The following ZBTB40 variants were observed in gnomAD, a reference collection of about 807,000 sequenced individuals.
ZBTB40 encodes the protein zinc finger and BTB domain containing 40.
In ZBTB40, 60 loss-of-function variants were observed where a neutral mutation model predicts 117.5. That is an observed-to-expected ratio of 0.51 (90% confidence interval 0.41 to 0.63). The LOEUF is 0.63. ZBTB40 is among the 30% of genes least tolerant of loss of function. The pLI, the probability that ZBTB40 is intolerant of heterozygous loss-of-function variation, is 0.00. For missense variants in ZBTB40, 1,287 were observed against 1,498.5 expected, an observed-to-expected ratio of 0.86 and a Z score of 2.33; for synonymous variants, 525 against 577.1, an observed-to-expected ratio of 0.91 and a Z score of 1.29.
intron 3 of ZBTB40, among the ~76,000 whole-genome samples, 183 bp downstream of exon 3, chr1:22,491,716 C>A (rs1000091543): frequency 6.6e-6 from 1 of 150,888 alleles, no homozygotes; most frequent in South Asian, 2.1e-4. Context: ...AGGATACTTT[C>A]AAAATGACAT....
rs546453499 is a variant in ZBTB40 at position 22,526,766 on chromosome 1, G to A, written c.*370G>A. 34 of 328,002 alleles carry A rather than the reference G, an allele frequency of 1.0e-4. No homozygotes were observed. The highest frequency in any genetic ancestry group is 5.4e-4 in the South Asian group (21 of 38,894). The allele number at this position is 328,002 out of a possible 1,614,324, so 20.3% of individuals were successfully genotyped here. ...CCAGGAGGCATGATGTGCCGACAGC[G>A]CTCAGTGGGCAGAATGGCAGTTAGA... On this transcript the variant is annotated 3_prime_UTR_variant, in exon 18 of 18. Coordinates refer to ENST00000375647, the MANE Select transcript of ZBTB40 (RefSeq NM_014870.4).
chr1:22,518,907 C>T lies in ZBTB40; in HGVS notation c.2834-1154C>T, dbSNP rs368286480. On this transcript the variant is annotated intron_variant, in intron 13 of 17. Transcript: ENST00000375647. ...ACCTGGGCGTCAGGAAAGGGGAAGACGTTATTAACTTTCAGAAGGGAGAAG... is the reference window on the plus strand; with the variant it reads ...ACCTGGGCGTCAGGAAAGGGGAAGATGTTATTAACTTTCAGAAGGGAGAAG... Among the ~76,000 whole-genome samples the T allele has an allele frequency of 5.3e-5, 8 of 152,288 alleles. No homozygotes were observed. The East Asian group carries it at 9.7e-4, about 18-fold the overall frequency.
chr1:22,517,335 T>G lies in ZBTB40; in HGVS notation c.2704T>G (p.Phe902Val). The change falls in exon 13 of 18, where the codon TTT becomes GTT. Residue 902 changes from phenylalanine to valine, a missense_variant. Phe to Val is a conservative substitution (Grantham distance 50, BLOSUM62 -1). Coordinates refer to ENST00000375647, the MANE Select transcript of ZBTB40 (RefSeq NM_014870.4). ...TGCATGCCAGTACTGTGATGCTGTG[T>G]TTGCCCAGTCTATTGAGCTGTCCCG... is the stretch of plus-strand genomic sequence containing the variant. Reference protein sequence around the residue: ...MYACQYCDAVFAQSIELSRHV... With the variant: ...MYACQYCDAVVAQSIELSRHV... The G allele has an allele frequency of 6.2e-7, 1 of 1,614,218 alleles. No individual in the cohort carries two copies. The highest frequency in any genetic ancestry group is 8.5e-7 in the Non-Finnish European group (1 of 1,180,042).
At chr1:22,521,996 A>T (rs1406841111) in intron 15 of ZBTB40, among the ~76,000 whole-genome samples, 1 of 152,148 alleles carries the variant, frequency 6.6e-6, no homozygotes, top group Non-Finnish European at 1.5e-5. Flanking sequence ...TTGGCAAGTG[A>T]CTTCCCTTTT....
intron 1 of ZBTB40, among the ~76,000 whole-genome samples, chr1:22,476,004 C>T (rs985356492): frequency 2.6e-5 from 4 of 152,162 alleles, no homozygotes; most frequent in Non-Finnish European, 5.9e-5. Context: ...CTAGTAGTAG[C>T]GGCAAAGGCT....
Position 22,434,780 on chromosome 1 carries a change from T to C in ZBTB40, c.-70+5766T>C, listed in dbSNP as rs115077376. 1.5e-3 allele frequency among the ~76,000 whole-genome samples: 227 copies of C among 152,340 alleles called. 1 individual carries two copies. The highest frequency in any genetic ancestry group is 5.1e-3 in the African/African-American group (212 of 41,590). ...TTGGTTTGTCTGTTGATGTGCTAAT[T>C]ATTCACTATTTTAACTGTTGAAGCT... On this transcript the variant is annotated intron_variant, in intron 1 of 8. Transcript: ENST00000650433.
chr1:22,445,208 G>T (rs1012679645), intron 1 of ZBTB40, among the ~76,000 whole-genome samples: 2 of 152,154 alleles, frequency 1.3e-5, no homozygotes, highest in Non-Finnish European at 2.9e-5. Flanking sequence ...TGGGGGGTTA[G>T]AATTTTATTT....
At chr1:22,458,209 G>C (rs1424805365) in intron 1 of ZBTB40, among the ~76,000 whole-genome samples, 1 of 152,180 alleles carries the variant, frequency 6.6e-6, no homozygotes, top group Non-Finnish European at 1.5e-5. Context: ...CAATCTATTT[G>C]GTACACTGTT....
chr1:22,502,286 C>G lies in ZBTB40; in HGVS notation c.1025-13C>G. ...TAGCTTCTCTTGTGTGTCTCTAACT[C>G]TTTCTCCCCCAGGGAGCACAGAGGA... is the stretch of plus-strand genomic sequence containing the variant. On this transcript the variant is annotated splice_polypyrimidine_tract_variant and intron_variant, in intron 4 of 17. Coordinates refer to ENST00000375647, the MANE Select transcript of ZBTB40 (RefSeq NM_014870.4). The G allele has an allele frequency of 6.2e-7, 1 of 1,612,356 alleles. No homozygotes were observed. Among genetic ancestry groups the G allele is most frequent in the Non-Finnish European group, 8.5e-7 (1 of 1,179,144 alleles).
chr1:22,478,263 T>C (rs549155984), intron 1 of ZBTB40, among the ~76,000 whole-genome samples: 1 of 152,330 alleles, frequency 6.6e-6, no homozygotes, highest in African/African-American at 2.4e-5. Context: ...TTTTCTTTTT[T>C]TTGAGACGGA....
At position 22,502,236 on chromosome 1, in the gene ZBTB40, A is replaced by G. The variant is rs1638954269; in HGVS notation, c.1025-63A>G. The G allele has an allele frequency of 4.1e-5, 64 of 1,563,748 alleles. No homozygotes were observed. In the East Asian group the frequency reaches 1.5e-3, roughly 37 times the overall value. On this transcript the variant is annotated intron_variant, in intron 4 of 17. Transcript: ENST00000375647. ...TCTGTTAGATCTCTCTTGACAAACC[A>G]TGCTGTCATTTTCTTCAAATTGACT... is the stretch of plus-strand genomic sequence containing the variant.
At chr1:22,483,445 G>A (rs777445205) in intron 1 of ZBTB40, among the ~76,000 whole-genome samples, 11 of 152,260 alleles carry the variant, frequency 7.2e-5, no homozygotes, top group African/African-American at 9.6e-5. Context: ...CTACATCCTC[G>A]TCAGCATTTA....
Position 22,506,089 on chromosome 1 carries a change from C to T in ZBTB40, c.1208C>T (p.Thr403Ile). Reference sequence around the variant, plus strand: ...TGTGAGGGCAGAACACCCAAGGAGACAATAGAAAATTTGTTGCACAGAATG... The same window carrying T: ...TGTGAGGGCAGAACACCCAAGGAGATAATAGAAAATTTGTTGCACAGAATG... The part of the protein sequence containing the change: ...NCCEGRTPKE[T>I]IENLLHRMTE... The change falls in exon 6 of 18, where the codon ACA becomes ATA. Residue 403 changes from threonine (T) to isoleucine (I), a missense_variant. Thr to Ile is a moderately conservative substitution (Grantham distance 89). Transcript: ENST00000375647. 6.2e-7 allele frequency: 1 copy of T among 1,614,142 alleles called. No individual in the cohort carries two copies. Among genetic ancestry groups the T allele is most frequent in the Non-Finnish European group, 8.5e-7 (1 of 1,180,016 alleles).
At chr1:22,435,963 G>A (rs1473927892) in intron 1 of ZBTB40, among the ~76,000 whole-genome samples, 2 of 151,316 alleles carry the variant, frequency 1.3e-5, no homozygotes, top group Admixed American at 1.3e-4. Flanking sequence ...TGTAATCCCA[G>A]CTACTTGGGA....
chr1:22,508,112 C>G lies in ZBTB40; in HGVS notation c.1472C>G (p.Thr491Arg). Reference protein sequence around the residue: ...QILLKMISHMTSLAPGEREVM... With the variant: ...QILLKMISHMRSLAPGEREVM... ...TTATTAAAGATGATCTCACACATGA[C>G]AAGTTTAGCCCCTGGAGAAAGAGAG... is the stretch of plus-strand genomic sequence containing the variant. The change falls in exon 7 of 18, where the codon ACA (threonine) becomes AGA (arginine). Residue 491 changes from threonine to arginine, a missense_variant. Transcript: ENST00000375647. The G allele has an allele frequency of 6.2e-7, 1 of 1,613,834 alleles. No individual in the cohort carries two copies. Among genetic ancestry groups the G allele is most frequent in the South Asian group, 1.1e-5 (1 of 91,062 alleles).
chr1:22,521,524 G>A lies in ZBTB40; in HGVS notation c.3077G>A (p.Arg1026Gln), dbSNP rs749589798. 33 of 1,613,986 alleles carry A rather than the reference G, an allele frequency of 2.0e-5. No individual in the cohort carries two copies. The South Asian group carries it at 3.3e-4, about 16-fold the overall frequency. Residue 1026 changes from arginine (R) to glutamine (Q), a missense_variant, in exon 15 of 18, where the codon CGA becomes CAA. Physicochemically the swap from Arg to Gln is conservative, Grantham distance 43 (BLOSUM62 1). Coordinates refer to ENST00000375647, the MANE Select transcript of ZBTB40 (RefSeq NM_014870.4). The stretch of plus-strand genomic sequence containing the variant: ...TTGTCTGGTTTGTGGTACCACAATC[G>A]AACCCACCACCCTGACGTATTTGCT... ...QQLSGLWYHN[R>Q]THHPDVFAAQ...
chr1:22,431,384 G>GTATATATATATATATATA lies in ZBTB40; in HGVS notation c.-70+2378_-70+2395dup, dbSNP rs59021263. On this transcript the variant is annotated intron_variant, in intron 1 of 8. Transcript: ENST00000650433. ...ATTTTGTGTGTGTGTGTGTGTGTGT[G>GTATATATATATATATATA]TATATATATATATATATATATATAT... 5.0e-4 allele frequency among the ~76,000 whole-genome samples: 60 copies of GTATATATATATATATATA among 119,662 alleles called. 1 individual carries two copies. Among genetic ancestry groups the GTATATATATATATATATA allele is most frequent in the East Asian group, 2.1e-3 (10 of 4,734 alleles). 78.5% of individuals were successfully genotyped at this position (119,662 alleles called of 152,430 possible). A position where few individuals can be genotyped will look rare whatever the true frequency, so the allele number is the denominator to read the frequency against.
At position 22,521,516 on chromosome 1, in the gene ZBTB40, C is replaced by T. The variant is rs368290931; in HGVS notation, c.3069C>T (p.Tyr1023=). 30 of 1,614,096 alleles carry T rather than the reference C, an allele frequency of 1.9e-5. No homozygotes were observed. Among genetic ancestry groups the T allele is most frequent in the Non-Finnish European group, 2.4e-5 (28 of 1,180,056 alleles). ...KAYQQLSGLW[Y]HNRTHHPDVF... The stretch of plus-strand genomic sequence containing the variant: ...TGCAGCAATTGTCTGGTTTGTGGTA[C>T]CACAATCGAACCCACCACCCTGACG... Residue 1023 remains tyrosine, a synonymous_variant, in exon 15 of 18, where the codon TAC becomes TAT. Coordinates refer to ENST00000375647, the MANE Select transcript of ZBTB40 (RefSeq NM_014870.4).
At chr1:22,464,834 G>A (rs929272132) in intron 1 of ZBTB40, among the ~76,000 whole-genome samples, 11 of 149,968 alleles carry the variant, frequency 7.3e-5, no homozygotes, top group East Asian at 4.0e-4. Flanking sequence ...ATTTTCCTAC[G>A]TCATTAAAAA....
Sources: gnomAD v4.1 joint callset for allele counts (sites outside exome capture counted in the v4.1 genomes callset) on GRCh38, gnomAD v4.1.1 for gene constraint, MANE v1.5 for transcripts, NCBI Gene and HGNC (gene_info 2026-07-23, HGNC 2026-07-21) for gene names.